Variants in DLAT observed in about 807,000 individuals in gnomAD.
The protein encoded by DLAT is dihydrolipoyllysine-residue acetyltransferase component of pyruvate dehydrogenase complex, mitochondrial.
A neutral mutation model predicts 68.0 loss-of-function variants in DLAT; 43 were observed. That is an observed-to-expected ratio of 0.63 (90% CI 0.50 to 0.81). The LOEUF (loss-of-function observed/expected upper bound fraction) is 0.81, where lower values mean the gene tolerates loss of function less well. Among genes scored for constraint, DLAT ranks in the 40% least tolerant of loss-of-function variants. The pLI is 0.00. For synonymous variants in DLAT, 265 were observed against 288.6 expected (o/e 0.92, Z 0.83); for missense variants, 745 against 815.4 (o/e 0.91, Z 1.05).
chr11:112,032,942 G>A (rs1862492132), intron 4 of DLAT, among the ~76,000 whole-genome samples: 1 of 152,126 alleles, frequency 6.6e-6, no homozygotes, highest in South Asian at 2.1e-4. Context: ...GCACCCGCCT[G>A]TAATCCAGCT....
intron 13 of DLAT, 143 bp from the exon 14 acceptor site, chr11:112,062,263 G>A: frequency 2.3e-6 from 2 of 861,320 alleles, no homozygotes; most frequent in Admixed American, 2.5e-5. Context: ...ATAAATTTGA[G>A]CTAAAGGTAT....
At chr11:112,060,208 C>A (rs1246751883) in intron 12 of DLAT, 143 bp downstream of exon 12, 3 of 708,360 alleles carry the variant, frequency 4.2e-6, no homozygotes, top group Non-Finnish European at 6.6e-6. Context: ...GTCACCCAGG[C>A]TGGAGTGCAG....
chr11:112,048,777 ACC>A lies in DLAT; in HGVS notation c.1399-2455_1399-2454del, dbSNP rs376135539. 7.1e-3 allele frequency among the ~76,000 whole-genome samples: 1,084 copies of A among 151,834 alleles called. 18 individuals carry two copies. Among genetic ancestry groups the A allele is most frequent in the African/African-American group, 0.025 (1,032 of 41,346 alleles). On this transcript the variant is annotated intron_variant, in intron 10 of 13. Transcript: ENST00000280346. ...TCGAACTCTTGACCTCAAATGATCC[ACC>A]CACCTTGGCCTCCCAAAGTGCTGGA...
chr11:112,036,662 G>A (rs782442299), intron 5 of DLAT: 3 of 152,412 alleles, frequency 2.0e-5, no homozygotes, highest in Non-Finnish European at 2.9e-5. Context: ...TCTTTGCAAG[G>A]AAGGCAGTAG....
intron 7 of DLAT, among the ~76,000 whole-genome samples, chr11:112,042,519 C>T (rs1770348549): frequency 6.6e-6 from 1 of 152,212 alleles, no homozygotes; most frequent in African/African-American, 2.4e-5. Flanking sequence ...AAGAACTACA[C>T]ACAACAAGAG....
intron 7 of DLAT, among the ~76,000 whole-genome samples, chr11:112,040,829 CA>C (rs1224393873): frequency 1.3e-5 from 2 of 151,100 alleles, no homozygotes; most frequent in Admixed American, 1.3e-4. Flanking sequence ...TTTAGACAAG[CA>C]AAGAAGGACC....
At chr11:112,052,532 G>A (rs1821733261) in intron 11 of DLAT, among the ~76,000 whole-genome samples, 2 of 152,146 alleles carry the variant, frequency 1.3e-5, no homozygotes, top group Non-Finnish European at 2.9e-5. Context: ...CAAAGGATAT[G>A]GATGAACACC....
At chr11:112,043,598 A>G (rs1863155397) in intron 8 of DLAT, 65 bp downstream of exon 8, 2 of 1,330,308 alleles carry the variant, frequency 1.5e-6, no homozygotes. Flanking sequence ...ACCATTTCAT[A>G]CATTATTTAT....
At chr11:112,046,821 G>A (rs1460904128) in intron 10 of DLAT, among the ~76,000 whole-genome samples, 1 of 152,072 alleles carries the variant, frequency 6.6e-6, no homozygotes, top group Non-Finnish European at 1.5e-5. Context: ...TGGCTGCATA[G>A]TATTCCATGG....
At position 112,037,295 on chromosome 11, in the gene DLAT, T is replaced by G. The variant is rs1555180584; in HGVS notation, c.810T>G (p.Gly270=). The part of the protein sequence containing the change: ...ATIGFEVQEE[G]YLAKILVPEG... The stretch of plus-strand genomic sequence containing the variant: ...AAGGTTTTGAAGTACAGGAAGAAGG[T>G]TATCTGGCAAAAATCCTGGTCCCTG... Residue 270 remains glycine (G), a synonymous_variant, in exon 6 of 14, where the codon GGT becomes GGG. Coordinates refer to ENST00000280346, the MANE Select transcript of DLAT (RefSeq NM_001931.5). The G allele has an allele frequency of 1.9e-6, 3 of 1,614,174 alleles. No homozygotes were observed. The highest frequency in any genetic ancestry group is 3.3e-5 in the Admixed American group (2 of 60,018).
intron 5 of DLAT, among the ~76,000 whole-genome samples, chr11:112,035,933 G>A (rs59712768): frequency 0.061 from 8,679 of 141,826 alleles, 698 homozygotes; most frequent in African/African-American, 0.19. Flanking sequence ...TGGGATTACA[G>A]GCGCCTGCCA....
intron 12 of DLAT, among the ~76,000 whole-genome samples, chr11:112,060,479 A>T (rs782358137): frequency 2.0e-5 from 3 of 151,382 alleles, no homozygotes; most frequent in Non-Finnish European, 4.4e-5. Context: ...TTTGAAACAG[A>T]GTCTCACTCT....
chr11:112,030,355 T>G, intron 4 of DLAT: 1 of 464,422 alleles, frequency 2.2e-6, no homozygotes, highest in Non-Finnish European at 4.3e-6. Context: ...GGGCTTGAAG[T>G]TGCCACCACC....
rs782380161 is a variant in DLAT, at chr11:112,037,384, T to C, written c.899T>C (p.Ile300Thr). ...ATCATTGTAGAAAAAGAGGCAGATATATCAGCATTTGCTGACTATAGGCCA... is the reference window on the plus strand; with the variant it reads ...ATCATTGTAGAAAAAGAGGCAGATACATCAGCATTTGCTGACTATAGGCCA... ...LCIIVEKEAD[I>T]SAFADYRPTE... Residue 300 changes from isoleucine to threonine, a missense_variant, in exon 6 of 14, where the codon ATA becomes ACA. By Grantham distance (89) the Ile-to-Thr change is moderately conservative. Transcript: ENST00000280346. 1 of 1,614,204 alleles carries C rather than the reference T, an allele frequency of 6.2e-7. No homozygotes were observed. The highest frequency in any genetic ancestry group is 8.5e-7 in the Non-Finnish European group (1 of 1,180,028).
Position 112,042,520 on chromosome 11 carries a change from A to C in DLAT, c.1130-946A>C, listed in dbSNP as rs587737671. ...GGAAAGGAATTGGGAAGAACTACAC[A>C]CAACAAGAGTCCTTTTTAAAGTCTG... On this transcript the variant is annotated intron_variant, in intron 7 of 13. Coordinates refer to ENST00000280346, the MANE Select transcript of DLAT (RefSeq NM_001931.5). 2.0e-5 allele frequency among the ~76,000 whole-genome samples: 3 copies of C among 152,376 alleles called. No homozygotes were observed. The South Asian group carries it at 6.2e-4, about 32-fold the overall frequency.
At position 112,037,290 on chromosome 11, in the gene DLAT, G is replaced by C. The variant is rs1592678937; in HGVS notation, c.805G>C (p.Glu269Gln). ...KATIGFEVQE[E>Q]GYLAKILVPE... ...TATTTAAGGTTTTGAAGTACAGGAAGAAGGTTATCTGGCAAAAATCCTGGT... is the reference window on the plus strand; with the variant it reads ...TATTTAAGGTTTTGAAGTACAGGAACAAGGTTATCTGGCAAAAATCCTGGT... Residue 269 changes from glutamate (E) to glutamine (Q), a missense_variant, in exon 6 of 14, where the codon GAA becomes CAA. Coordinates refer to ENST00000280346, the MANE Select transcript of DLAT (RefSeq NM_001931.5). The C allele has an allele frequency of 6.2e-7, 1 of 1,614,164 alleles. No homozygotes were observed. Among genetic ancestry groups the C allele is most frequent in the African/African-American group, 1.3e-5 (1 of 75,048 alleles).
rs141167979 is a variant in DLAT at position 112,036,070 on chromosome 11, C to T, written c.788-1203C>T. Among the ~76,000 whole-genome samples, 290 of 150,828 alleles carry T rather than the reference C, an allele frequency of 1.9e-3. 2 individuals are homozygous for T. Among genetic ancestry groups the T allele is most frequent in the African/African-American group, 6.7e-3 (277 of 41,136 alleles). On this transcript the variant is annotated intron_variant, in intron 5 of 13. Transcript: ENST00000280346. ...CCTCCCAAAGTGCTGGGATAACAGG[C>T]GTGAGCCACCGTGCCCAGCCTTAAA...
Position 112,062,560 on chromosome 11 carries a change from C to T in DLAT, c.*25C>T. ...ACTAACTCAAGAATTTCTAAACTCTCCCAGGTCACACTGATTCATTCTTAA... is the reference window on the plus strand; with the variant it reads ...ACTAACTCAAGAATTTCTAAACTCTTCCAGGTCACACTGATTCATTCTTAA... On this transcript the variant is annotated 3_prime_UTR_variant, in exon 14 of 14. Coordinates refer to ENST00000280346, the MANE Select transcript of DLAT (RefSeq NM_001931.5). 6.2e-7 allele frequency: 1 copy of T among 1,610,640 alleles called. No individual in the cohort carries two copies. The highest frequency in any genetic ancestry group is 1.1e-5 in the South Asian group (1 of 90,908).
chr11:112,031,000 T>C (rs1179349880), intron 4 of DLAT, among the ~76,000 whole-genome samples: 1 of 152,238 alleles, frequency 6.6e-6, no homozygotes, highest in Non-Finnish European at 1.5e-5. Flanking sequence ...TTTGTGTGCA[T>C]GTGTTAGGGT....
Sources: allele counts gnomAD v4.1 joint callset (sites outside exome capture counted in the v4.1 genomes callset), GRCh38; gene constraint gnomAD v4.1.1; transcripts MANE v1.5; gene names NCBI Gene and HGNC (gene_info 2026-07-23, HGNC 2026-07-21).